Variants in CNTN5 observed in about 807,000 individuals in gnomAD.
CNTN5 encodes the protein contactin 5, also known as contactin-5.
A neutral mutation model predicts 129.1 loss-of-function variants in CNTN5; 77 were observed. That is an observed-to-expected ratio of 0.60 (90% CI 0.50 to 0.72). The LOEUF (loss-of-function observed/expected upper bound fraction) is 0.72. CNTN5 is among the 30% of genes least tolerant of loss of function. CNTN5 has a pLI of 0.00. For missense variants in CNTN5, 1,478 were observed against 1,328.8 expected, an observed-to-expected ratio of 1.11 and a Z score of -1.75; for synonymous variants, 509 against 465.6, an observed-to-expected ratio of 1.09 and a Z score of -1.20.
intron 3 of CNTN5, among the ~76,000 whole-genome samples, chr11:99,774,988 G>A (rs1417585355): frequency 2.0e-5 from 3 of 152,032 alleles, no homozygotes; most frequent in Admixed American, 1.3e-4. Context: ...ACTTTGGTTT[G>A]GTTCAGGTCT....
At chr11:99,133,502 A>T (rs1235180727) in intron 1 of CNTN5, among the ~76,000 whole-genome samples, 1 of 151,870 alleles carries the variant, frequency 6.6e-6, no homozygotes, top group Non-Finnish European at 1.5e-5. Flanking sequence ...TTTTCAATCT[A>T]TCTATCTGAC....
chr11:99,678,562 A>C (rs1293663668), intron 3 of CNTN5, among the ~76,000 whole-genome samples: 1 of 152,140 alleles, frequency 6.6e-6, no homozygotes, highest in Admixed American at 6.6e-5. Context: ...AACTCTAAAC[A>C]GAAAATTACA....
intron 9 of CNTN5, among the ~76,000 whole-genome samples, chr11:100,014,357 C>T (rs1940698455): frequency 6.6e-6 from 1 of 152,080 alleles, no homozygotes; most frequent in South Asian, 2.1e-4. Flanking sequence ...TCAAGTCCCC[C>T]CTCTCCATTT....
At chr11:99,570,973 G>A (rs1278171276) in intron 3 of CNTN5, among the ~76,000 whole-genome samples, 2 of 152,096 alleles carry the variant, frequency 1.3e-5, no homozygotes, top group Non-Finnish European at 2.9e-5. Flanking sequence ...AACAGATACT[G>A]TACATAAAGA....
intron 1 of CNTN5, among the ~76,000 whole-genome samples, chr11:99,316,876 C>T (rs568590168): frequency 7.9e-5 from 12 of 152,232 alleles, no homozygotes; most frequent in Non-Finnish European, 1.6e-4. Context: ...GCTCTGGCTG[C>T]CAGCCAGGCT....
chr11:99,080,895 T>A (rs966204903), intron 1 of CNTN5, among the ~76,000 whole-genome samples: 2 of 151,862 alleles, frequency 1.3e-5, no homozygotes, highest in African/African-American at 4.8e-5. Flanking sequence ...ATACTTCTAT[T>A]AAGGGAGAAG....
intron 3 of CNTN5, among the ~76,000 whole-genome samples, chr11:99,766,538 G>A (rs1457783653): frequency 6.6e-6 from 1 of 151,878 alleles, no homozygotes; most frequent in Non-Finnish European, 1.5e-5. Context: ...CTAATATAAA[G>A]TTCTAAAAGA....
intron 1 of CNTN5, among the ~76,000 whole-genome samples, chr11:99,265,595 T>C (rs1862848494): frequency 6.6e-6 from 1 of 152,106 alleles, no homozygotes; most frequent in South Asian, 2.1e-4. Context: ...TTTCCCTTTC[T>C]AATGTTGAAA....
At chr11:99,758,401 AT>A (rs1264639709) in intron 3 of CNTN5, among the ~76,000 whole-genome samples, 1 of 152,098 alleles carries the variant, frequency 6.6e-6, no homozygotes, top group African/African-American at 2.4e-5. Context: ...CGTATAACAT[AT>A]AAAGCATTAT....
chr11:99,655,170 T>C (rs1467614978), intron 3 of CNTN5, among the ~76,000 whole-genome samples: 2 of 152,064 alleles, frequency 1.3e-5, no homozygotes, highest in African/African-American at 2.4e-5. Flanking sequence ...GTAAAATCCT[T>C]GTGATTCTAA....
At chr11:99,662,848 A>G (rs533939884) in intron 3 of CNTN5, among the ~76,000 whole-genome samples, 1 of 152,336 alleles carries the variant, frequency 6.6e-6, no homozygotes, top group East Asian at 1.9e-4. Context: ...CTGCATTTTT[A>G]AAAAGCTCCT....
At chr11:99,452,274 A>G (rs1030100392) in intron 2 of CNTN5, among the ~76,000 whole-genome samples, 1 of 151,988 alleles carries the variant, frequency 6.6e-6, no homozygotes. Flanking sequence ...CGTCAGCACT[A>G]ATATATATGT....
intron 9 of CNTN5, among the ~76,000 whole-genome samples, chr11:100,008,474 G>A (rs945292160): frequency 2.0e-5 from 3 of 152,052 alleles, no homozygotes; most frequent in African/African-American, 7.2e-5. Context: ...GTACCTCAAA[G>A]AACCTAGAAC....
intron 13 of CNTN5, among the ~76,000 whole-genome samples, chr11:100,093,979 T>G (rs1565234077): frequency 6.6e-6 from 1 of 152,180 alleles, no homozygotes; most frequent in African/African-American, 2.4e-5. Context: ...ACTCAAATTA[T>G]GCAGGTTATT....
chr11:100,304,184 A>T (rs963490774), intron 20 of CNTN5, among the ~76,000 whole-genome samples: 8 of 151,592 alleles, frequency 5.3e-5, no homozygotes, highest in Non-Finnish European at 8.9e-5. Flanking sequence ...GTATCAATCA[A>T]CCTGTCCACT....
At chr11:99,483,661 C>T (rs1347948813) in intron 2 of CNTN5, among the ~76,000 whole-genome samples, 1 of 152,032 alleles carries the variant, frequency 6.6e-6, no homozygotes, top group Non-Finnish European at 1.5e-5. Flanking sequence ...TCTCCTGACA[C>T]TTCTGGTTGG....
chr11:99,308,308 T>G (rs1864957939), intron 1 of CNTN5, among the ~76,000 whole-genome samples: 1 of 152,160 alleles, frequency 6.6e-6, no homozygotes, highest in Admixed American at 6.6e-5. Context: ...AACAGACCAG[T>G]AAGCAAAACA....
chr11:99,846,060 G>C (rs1346922834), intron 6 of CNTN5, among the ~76,000 whole-genome samples: 1 of 151,378 alleles, frequency 6.6e-6, no homozygotes, highest in Non-Finnish European at 1.5e-5. Flanking sequence ...TTTAGATTTT[G>C]ACTATATCTC....
intron 2 of CNTN5, among the ~76,000 whole-genome samples, chr11:99,522,545 G>C (rs1046952908): frequency 6.6e-6 from 1 of 152,070 alleles, no homozygotes; most frequent in Non-Finnish European, 1.5e-5. Flanking sequence ...GATACTTCTT[G>C]TAATTCTCTA....
Sources: allele counts gnomAD v4.1 joint callset (sites outside exome capture counted in the v4.1 genomes callset), GRCh38; gene constraint gnomAD v4.1.1; transcripts MANE v1.5; gene names NCBI Gene and HGNC (gene_info 2026-07-23, HGNC 2026-07-21).